NR1H2: variants seen among roughly 807,000 people sequenced by gnomAD.
The protein encoded by NR1H2 is nuclear receptor subfamily 1 group H member 2.
In NR1H2, 33 loss-of-function variants were observed where a neutral mutation model predicts 51.2. The observed-to-expected ratio is 0.64, with a 90% confidence interval of 0.49 to 0.86. The LOEUF is 0.86. Among genes scored for constraint, NR1H2 ranks in the 40% least tolerant of loss-of-function variants. The pLI, the probability that NR1H2 is intolerant of heterozygous loss-of-function variation, is 0.00. For missense variants in NR1H2, 592 were observed against 639.9 expected (o/e 0.93, Z 0.81); for synonymous variants, 310 against 264.3 (o/e 1.17, Z -1.68).
At position 50,382,749 on chromosome 19, in the gene NR1H2, A is replaced by G. The variant is rs1346521755; in HGVS notation, c.*147A>G. The G allele has an allele frequency of 6.3e-6, 5 of 799,734 alleles. No homozygotes were observed. The highest frequency in any genetic ancestry group is 7.5e-6 in the Non-Finnish European group (4 of 535,308). 49.5% of individuals were successfully genotyped at this position (799,734 alleles called of 1,614,324 possible). On this transcript the variant is annotated 3_prime_UTR_variant, in exon 10 of 10. Transcript: ENST00000253727. The stretch of plus-strand genomic sequence containing the variant: ...CATCCCTTGGGATAAGCCCCAGTCC[A>G]GGTCCAGGAGGCTCCCTCCCTGCCC...
rs1802589 is a variant in NR1H2 at position 50,382,831 on chromosome 19, G to A, written c.*229G>A. On this transcript the variant is annotated 3_prime_UTR_variant, in exon 10 of 10. Coordinates refer to ENST00000253727, the MANE Select transcript of NR1H2 (RefSeq NM_007121.7). ...CAGGTCCCGACCACTGACCCTTCCCGGCTGCCCTCCCTCCCCAGCTTACAC... is the reference window on the plus strand; with the variant it reads ...CAGGTCCCGACCACTGACCCTTCCCAGCTGCCCTCCCTCCCCAGCTTACAC... 2.3e-6 allele frequency: 1 copy of A among 436,660 alleles called. No individual in the cohort carries two copies. The highest frequency in any genetic ancestry group is 4.0e-6 in the Non-Finnish European group (1 of 246,984). 27.0% of individuals were successfully genotyped at this position (436,660 alleles called of 1,614,324 possible). A position where few individuals can be genotyped will look rare whatever the true frequency, so the allele number is the denominator to read the frequency against.
chr19:50,382,716 TCG>T lies in NR1H2; in HGVS notation c.*115_*116del. ...GCCCTGGGCCGAGCCTGTAGACCTATCGGCTCTCATCCCTTGGGATAAGCCCC... is the reference window on the plus strand; with the variant it reads ...GCCCTGGGCCGAGCCTGTAGACCTATGCTCTCATCCCTTGGGATAAGCCCC... On this transcript the variant is annotated 3_prime_UTR_variant, in exon 10 of 10. Transcript: ENST00000253727. 1.8e-6 allele frequency: 2 copies of T among 1,120,786 alleles called. No homozygotes were observed. Among genetic ancestry groups the T allele is most frequent in the South Asian group, 1.6e-5 (1 of 63,002 alleles). 69.4% of individuals were successfully genotyped at this position (1,120,786 alleles called of 1,614,324 possible). A position where few individuals can be genotyped will look rare whatever the true frequency, so the allele number is the denominator to read the frequency against.
intron 4 of NR1H2, 75 bp downstream of exon 4, chr19:50,377,945 A>G: frequency 1.4e-6 from 2 of 1,481,092 alleles, no homozygotes; most frequent in Middle Eastern, 2.1e-4. Flanking sequence ...AGAAATGGGA[A>G]TGGGAGGCCC....
chr19:50,378,802 GC>G lies in NR1H2; in HGVS notation c.747+11del, dbSNP rs60769892. ...CCGACCAGCCCAAAGTCACGGTACT[GC>G]CCCCTCCACAACCTTGAGTGTGACG... On this transcript the variant is annotated splice_region_variant and intron_variant, in intron 6 of 9. Transcript: ENST00000253727. The G allele has an allele frequency of 4.5e-3, 7,310 of 1,611,770 alleles. 171 individuals are homozygous for G. The African/African-American group carries it at 0.061, about 13-fold the overall frequency.
At position 50,382,635 on chromosome 19, in the gene NR1H2, G is replaced by C. The variant is rs1025872020; in HGVS notation, c.*33G>C. The C allele has an allele frequency of 3.3e-6, 5 of 1,521,274 alleles. No homozygotes were observed. Among genetic ancestry groups the C allele is most frequent in the Non-Finnish European group, 4.4e-6 (5 of 1,139,692 alleles). The allele number at this position is 1,521,274 out of a possible 1,614,324, so 94.2% of individuals were successfully genotyped here. On this transcript the variant is annotated 3_prime_UTR_variant, in exon 10 of 10. Transcript: ENST00000253727. ...GCCACCCAGCCCCACAGCCTTGCCTGACCACCCTCCAGCAGATAGACGCCG... is the reference window on the plus strand; with the variant it reads ...GCCACCCAGCCCCACAGCCTTGCCTCACCACCCTCCAGCAGATAGACGCCG...
intron 8 of NR1H2, among the ~76,000 whole-genome samples, chr19:50,381,450 C>G (rs1238983770): frequency 6.6e-6 from 1 of 152,246 alleles, no homozygotes; most frequent in Non-Finnish European, 1.5e-5. Context: ...GGCTGGGCCT[C>G]TTCCTAATGT....
intron 2 of NR1H2, chr19:50,377,219 A>C: frequency 4.6e-6 from 1 of 216,236 alleles, no homozygotes; most frequent in Non-Finnish European, 9.1e-6. Flanking sequence ...TGCTTGGGGC[A>C]GAAGTGAGGT....
Position 50,382,862 on chromosome 19 carries a change from G to A in NR1H2, c.*260G>A. The A allele has an allele frequency of 2.5e-6, 1 of 395,562 alleles. No homozygotes were observed. Among genetic ancestry groups the A allele is most frequent in the Non-Finnish European group, 4.6e-6 (1 of 219,588 alleles). 24.5% of individuals were successfully genotyped at this position (395,562 alleles called of 1,614,324 possible). A position where few individuals can be genotyped will look rare whatever the true frequency, so the allele number is the denominator to read the frequency against. On this transcript the variant is annotated 3_prime_UTR_variant, in exon 10 of 10. Coordinates refer to ENST00000253727, the MANE Select transcript of NR1H2 (RefSeq NM_007121.7). ...CCTCCCTCCCCAGCTTACACCTCAAGCCCAGCACGCAGTGCACCTTGAACA... is the reference window on the plus strand; with the variant it reads ...CCTCCCTCCCCAGCTTACACCTCAAACCCAGCACGCAGTGCACCTTGAACA...
Position 50,382,171 on chromosome 19 carries a change from G to A in NR1H2, c.1233G>A (p.Pro411=), listed in dbSNP as rs557747526. The change falls in exon 9 of 10, where the codon CCG becomes CCA. Residue 411 remains proline (P), a synonymous_variant. Coordinates refer to ENST00000253727, the MANE Select transcript of NR1H2 (RefSeq NM_007121.7). ...TGTCCTACACGCGCATCAAGAGGCC[G>A]CAGGTAGGGCCCCGCAGAGCCTCTG... The part of the protein sequence containing the change: ...ALLSYTRIKR[P]QDQLRFPRML... 6 of 1,528,122 alleles carry A rather than the reference G, an allele frequency of 3.9e-6. No homozygotes were observed. The highest frequency in any genetic ancestry group is 2.7e-5 in the African/African-American group (2 of 72,826). 94.7% of individuals were successfully genotyped at this position (1,528,122 alleles called of 1,614,324 possible).
In NR1H2 at chr19:50,377,627, T is replaced by A; in HGVS notation, c.22T>A (p.Ser8Thr). 6.2e-7 allele frequency: 1 copy of A among 1,613,784 alleles called. No homozygotes were observed. The highest frequency in any genetic ancestry group is 8.5e-7 in the Non-Finnish European group (1 of 1,179,828). ...CACCATGTCCTCTCCTACCACGAGT[T>A]CCCTGGATACCCCCCTGCCTGGTGA... MSSPTTSSLDTPLPGNGP... is the reference protein window; with the variant it reads MSSPTTSTLDTPLPGNGP... The change falls in exon 3 of 10, where the codon TCC becomes ACC. Residue 8 changes from serine (S) to threonine (T), a missense_variant. Ser to Thr is a moderately conservative substitution (Grantham distance 58). This residue lies in a region of NR1H2 where 316 missense variants were observed against 313.4 expected (regional missense o/e 1.01). Transcript: ENST00000253727.
At chr19:50,380,001 CAAGGTGAGAGT>C (rs902042493) in intron 8 of NR1H2, 122 bp downstream of exon 8, 2 of 713,448 alleles carry the variant, frequency 2.8e-6, no homozygotes, top group African/African-American at 1.7e-5. Context: ...AGGGTTGAGC[CAAGGTGAGAGT>C]GAGGTAAGAG....
rs1568594417 is a variant in NR1H2, at chr19:50,378,504, GCCT to G, written c.473-17_473-15del. Reference sequence around the variant, plus strand: ...CGCCTAGCCCTGGGGTTCTGCTGAGGCCTGCATCCCCCTACAGGCGTCCTTTCT... The same window carrying G: ...CGCCTAGCCCTGGGGTTCTGCTGAGGGCATCCCCCTACAGGCGTCCTTTCT... On this transcript the variant is annotated splice_polypyrimidine_tract_variant and intron_variant, in intron 5 of 9. Transcript: ENST00000253727. 6 of 1,594,900 alleles carry G rather than the reference GCCT, an allele frequency of 3.8e-6. No homozygotes were observed. The highest frequency in any genetic ancestry group is 5.1e-6 in the Non-Finnish European group (6 of 1,168,386).
At chr19:50,381,928 C>T (rs1206645369) in intron 8 of NR1H2, 38 bp from the exon 9 acceptor site, 17 of 1,516,842 alleles carry the variant, frequency 1.1e-5, no homozygotes, top group Middle Eastern at 1.9e-4. Flanking sequence ...GGCACGGTTT[C>T]GGGCTGAGGG....
chr19:50,376,893 T>G (rs1247037717), intron 2 of NR1H2, 67 bp downstream of exon 2: 1 of 118,802 alleles, frequency 8.4e-6, no homozygotes, highest in African/African-American at 3.2e-5. Flanking sequence ...GGGCGGGACC[T>G]GCAGCGCGGT....
Position 50,378,435 on chromosome 19 carries a change from G to C in NR1H2, c.468G>C (p.Glu156Asp). 6.3e-7 allele frequency: 1 copy of C among 1,597,020 alleles called. No individual in the cohort carries two copies. The change falls in exon 5 of 10, where the codon GAG (glutamate) becomes GAC (aspartate). Residue 156 changes from glutamate to aspartate, a missense_variant. Coordinates refer to ENST00000253727, the MANE Select transcript of NR1H2 (RefSeq NM_007121.7). Reference sequence around the variant, plus strand: ...AGTGCAAGGAGGCAGGGATGAGGGAGCAGTGTGAGTGCAGCGGGAGGGGGC... The same window carrying C: ...AGTGCAAGGAGGCAGGGATGAGGGACCAGTGTGAGTGCAGCGGGAGGGGGC... ...LRKCKEAGMR[E>D]QCVLSEEQIR...
Position 50,378,449 on chromosome 19 carries a change from G to A in NR1H2, c.472+10G>A, listed in dbSNP as rs1288081368. 2.5e-6 allele frequency: 4 copies of A among 1,582,054 alleles called. No individual in the cohort carries two copies. The highest frequency in any genetic ancestry group is 3.4e-6 in the Non-Finnish European group (4 of 1,161,238). ...GGGATGAGGGAGCAGTGTGAGTGCAGCGGGAGGGGGCGGTGCCGGCCTGGC... is the reference window on the plus strand; with the variant it reads ...GGGATGAGGGAGCAGTGTGAGTGCAACGGGAGGGGGCGGTGCCGGCCTGGC... On this transcript the variant is annotated intron_variant, in intron 5 of 9. Transcript: ENST00000253727.
rs762249902 is a variant in NR1H2, at chr19:50,379,027, A to T, written c.773A>T (p.Gln258Leu). ...CCCTGGCCCCTGGGCGCAGACCCCCAGTCCCGAGATGCCCGCCAGCAACGC... is the reference window on the plus strand; with the variant it reads ...CCCTGGCCCCTGGGCGCAGACCCCCTGTCCCGAGATGCCCGCCAGCAACGC... ...VTPWPLGADP[Q>L]SRDARQQRFA... The change falls in exon 7 of 10, where the codon CAG becomes CTG. Residue 258 changes from glutamine to leucine, a missense_variant. Coordinates refer to ENST00000253727, the MANE Select transcript of NR1H2 (RefSeq NM_007121.7). 6.2e-7 allele frequency: 1 copy of T among 1,612,176 alleles called. No individual in the cohort carries two copies. The highest frequency in any genetic ancestry group is 8.5e-7 in the Non-Finnish European group (1 of 1,179,500).
At chr19:50,382,367 G>A in intron 9 of NR1H2, 89 bp from the exon 10 acceptor site, 8 of 1,488,564 alleles carry the variant, frequency 5.4e-6, no homozygotes, top group Non-Finnish European at 7.2e-6. Flanking sequence ...ACGCCTGGTC[G>A]GGGAGGGGCC....
At position 50,382,517 on chromosome 19, in the gene NR1H2, T is replaced by C. The variant is rs781192511; in HGVS notation, c.1298T>C (p.Val433Ala). The C allele has an allele frequency of 1.9e-6, 3 of 1,611,048 alleles. No homozygotes were observed. The highest frequency in any genetic ancestry group is 2.7e-5 in the African/African-American group (2 of 74,924). Residue 433 changes from valine (V) to alanine (A), a missense_variant, in exon 10 of 10, where the codon GTG becomes GCG. Physicochemically the swap from Val to Ala is moderately conservative, Grantham distance 64 (BLOSUM62 0). This residue lies in a region of NR1H2 where 174 missense variants were observed against 174.0 expected (regional missense o/e 1.00). Transcript: ENST00000253727. The part of the protein sequence containing the change: ...KLVSLRTLSS[V>A]HSEQVFALRL... Reference sequence around the variant, plus strand: ...GTGAGCCTGCGCACGCTGAGCTCTGTGCACTCGGAGCAGGTCTTCGCCTTG... The same window carrying C: ...GTGAGCCTGCGCACGCTGAGCTCTGCGCACTCGGAGCAGGTCTTCGCCTTG...
Sources: gnomAD v4.1 joint callset for allele counts (sites outside exome capture counted in the v4.1 genomes callset) on GRCh38, gnomAD v4.1.1 for gene constraint, gnomAD v4.1.1 regional missense constraint, MANE v1.5 for transcripts, NCBI Gene and HGNC (gene_info 2026-07-23, HGNC 2026-07-21) for gene names.